ATAD2B: variants seen among roughly 807,000 people sequenced by gnomAD.
ATAD2B encodes the protein ATPase family AAA domain containing 2B.
A neutral mutation model predicts 167.6 loss-of-function variants in ATAD2B; 40 were observed. The observed-to-expected ratio is 0.24, with a 90% CI of 0.19 to 0.31. The LOEUF is 0.31. ATAD2B is among the 10% of genes least tolerant of loss of function. ATAD2B has a pLI of 1.00. For synonymous variants in ATAD2B, 579 were observed against 596.5 expected (o/e 0.97, Z 0.43); for missense variants, 1,242 against 1,757.2 (o/e 0.71, Z 5.24).
chr2:23,710,259 G>C, the ATAD2B span, among the ~76,000 whole-genome samples: 2 of 152,254 alleles, frequency 1.3e-5, no homozygotes, highest in East Asian at 3.9e-4. Flanking sequence ...CAGTTAAAGA[G>C]AATAGGTCTT....
chr2:23,823,043 C>T (rs1432098726), intron 16 of ATAD2B, among the ~76,000 whole-genome samples: 4 of 149,628 alleles, frequency 2.7e-5, no homozygotes, highest in Non-Finnish European at 4.4e-5. Context: ...TTAAGATGAT[C>T]AGAATGTCCC....
intron 22 of ATAD2B, among the ~76,000 whole-genome samples, chr2:23,772,040 C>G (rs1678404676): frequency 6.6e-6 from 1 of 152,220 alleles, no homozygotes; most frequent in Admixed American, 6.5e-5. Flanking sequence ...CACTACTCCT[C>G]TTATTTGTTT....
At chr2:23,774,317 G>T (rs1205922558) in intron 22 of ATAD2B, among the ~76,000 whole-genome samples, 1 of 152,096 alleles carries the variant, frequency 6.6e-6, no homozygotes, top group Non-Finnish European at 1.5e-5. Context: ...AGGCATGGTT[G>T]TAAGTCCTGT....
chr2:23,813,502 C>A (rs566508020), intron 17 of ATAD2B, among the ~76,000 whole-genome samples: 115 of 151,062 alleles, frequency 7.6e-4, no homozygotes, highest in African/African-American at 2.7e-3. Context: ...TGGGAGACTG[C>A]GGTGGGGGGA....
the ATAD2B span, among the ~76,000 whole-genome samples, chr2:23,719,742 G>A: frequency 1.1e-4 from 17 of 152,254 alleles, no homozygotes; most frequent in African/African-American, 3.9e-4. Context: ...TTACGTTCCT[G>A]GCAGGAGTCC....
At chr2:23,881,161 T>C (rs958477193) in intron 6 of ATAD2B, among the ~76,000 whole-genome samples, 7 of 152,120 alleles carry the variant, frequency 4.6e-5, no homozygotes, top group African/African-American at 1.7e-4. Context: ...TTCAAAAAAA[T>C]ATGCTTATAG....
intron 1 of ATAD2B, among the ~76,000 whole-genome samples, chr2:23,911,009 C>A (rs1251110576): frequency 6.9e-6 from 1 of 144,240 alleles, no homozygotes; most frequent in Non-Finnish European, 1.5e-5. Flanking sequence ...GGCAGATCAC[C>A]TGAAGTCGGG....
At chr2:23,797,753 A>G (rs1423657353) in intron 19 of ATAD2B, among the ~76,000 whole-genome samples, 1 of 152,180 alleles carries the variant, frequency 6.6e-6, no homozygotes, top group Non-Finnish European at 1.5e-5. Context: ...GTTTTTAATA[A>G]TTTTGTGCAA....
intron 17 of ATAD2B, 96 bp from the exon 18 acceptor site, chr2:23,810,598 T>C (rs13010837): frequency 0.02 from 18,712 of 936,316 alleles, 265 homozygotes; most frequent in Non-Finnish European, 0.024. Flanking sequence ...ACAATTTAAC[T>C]CCAAATTAAC....
chr2:23,764,507 C>G (rs1360906318), intron 23 of ATAD2B, among the ~76,000 whole-genome samples: 1 of 152,144 alleles, frequency 6.6e-6, no homozygotes, highest in Non-Finnish European at 1.5e-5. Context: ...CATTGATTTA[C>G]TCAAATATTT....
the ATAD2B span, among the ~76,000 whole-genome samples, chr2:23,729,448 G>A: frequency 6.6e-6 from 1 of 152,116 alleles, no homozygotes; most frequent in Non-Finnish European, 1.5e-5. Flanking sequence ...GTGTAAGAAA[G>A]TAACCTGAAC....
the ATAD2B span, among the ~76,000 whole-genome samples, chr2:23,692,737 G>A: frequency 5.9e-5 from 9 of 152,172 alleles, no homozygotes; most frequent in Admixed American, 5.9e-4. Flanking sequence ...TCCCACCCCA[G>A]ACCTAGCCAC....
intron 1 of ATAD2B, among the ~76,000 whole-genome samples, chr2:23,911,613 G>C (rs1573412333): frequency 6.6e-6 from 1 of 151,940 alleles, no homozygotes; most frequent in Non-Finnish European, 1.5e-5. Context: ...GGACGGGGAG[G>C]GGGAGGGGGC....
In ATAD2B at chr2:23,926,795, ACGCCG is replaced by A; in HGVS notation, c.-30_-26del. ...TGGTCCAGCCAGGGGGACGGAGTCCACGCCGCGCCCGGGAGAGCCGAGCAAGGCCG... is the reference window on the plus strand; with the variant it reads ...TGGTCCAGCCAGGGGGACGGAGTCCACGCCCGGGAGAGCCGAGCAAGGCCG... On this transcript the variant is annotated 5_prime_UTR_variant, in exon 1 of 28. Transcript: ENST00000238789. 1 of 1,494,084 alleles carries A rather than the reference ACGCCG, an allele frequency of 6.7e-7. No individual in the cohort carries two copies. 92.6% of individuals were successfully genotyped at this position (1,494,084 alleles called of 1,614,324 possible).
At chr2:23,719,402 T>A in the ATAD2B span, among the ~76,000 whole-genome samples, 1 of 152,066 alleles carries the variant, frequency 6.6e-6, no homozygotes, top group Non-Finnish European at 1.5e-5. Context: ...AATTAAAAAC[T>A]TTAAAAGAAA....
chr2:23,830,298 T>TA (rs1402823628), intron 14 of ATAD2B, among the ~76,000 whole-genome samples: 1 of 152,048 alleles, frequency 6.6e-6, no homozygotes, highest in Non-Finnish European at 1.5e-5. Context: ...ATAGTTTTCT[T>TA]AAAAAAACAC....
the ATAD2B span, among the ~76,000 whole-genome samples, chr2:23,736,841 C>T: frequency 3.1e-3 from 471 of 152,290 alleles, 1 homozygote; most frequent in Non-Finnish European, 5.1e-3. Flanking sequence ...ATCACTCCCA[C>T]CCTAATACTG....
intron 1 of ATAD2B, among the ~76,000 whole-genome samples, chr2:23,909,469 CATAT>C (rs200951836): frequency 2.0e-5 from 3 of 151,102 alleles, no homozygotes; most frequent in Non-Finnish European, 4.4e-5. Context: ...CACACACATA[CATAT>C]ATATATACAT....
chr2:23,847,022 T>A (rs1200245086), intron 13 of ATAD2B, among the ~76,000 whole-genome samples: 10 of 44,984 alleles, frequency 2.2e-4, no homozygotes, highest in Admixed American at 8.0e-4. Context: ...TATCAATAGT[T>A]GTACCACTTT....
Sources: allele counts gnomAD v4.1 joint callset (sites outside exome capture counted in the v4.1 genomes callset), GRCh38; gene constraint gnomAD v4.1.1; transcripts MANE v1.5; gene names NCBI Gene and HGNC (gene_info 2026-07-23, HGNC 2026-07-21).